EHMT1: variants seen among roughly 807,000 people sequenced by gnomAD.
EHMT1 encodes euchromatic histone lysine methyltransferase 1, also known as histone-lysine N-methyltransferase EHMT1.
A neutral mutation model predicts 147.2 loss-of-function variants in EHMT1; 15 were observed. That is an observed-to-expected ratio of 0.10 (90% confidence interval 0.07 to 0.16). The LOEUF is 0.16. Ranked by LOEUF, EHMT1 falls within the 10% of genes least tolerant of loss-of-function variation. The pLI is 1.00. For synonymous variants in EHMT1, 795 were observed against 709.6 expected (o/e 1.12, Z -1.91); for missense variants, 1,587 against 1,772.4 (o/e 0.90, Z 1.88).
intron 15 of EHMT1, chr9:137,785,670 TATTAAA>T (rs1456961666): frequency 2.0e-5 from 3 of 152,356 alleles, no homozygotes; most frequent in East Asian, 1.9e-4. Context: ...CTTTTTTAAA[TATTAAA>T]ATTAAAACCC....
At chr9:137,674,960 A>G (rs1941093336) in intron 1 of EHMT1, 1 of 152,238 alleles carries the variant, frequency 6.6e-6, no homozygotes, top group Non-Finnish European at 1.5e-5. Flanking sequence ...AAACTTCTGT[A>G]AAGGACCAGG....
At chr9:137,816,453 CCTA>C in intron 23 of EHMT1, 15 of 341,536 alleles carry the variant, frequency 4.4e-5, no homozygotes, top group Admixed American at 1.2e-4. Context: ...TCTGGGCTTC[CCTA>C]ACAGTGAGGT....
intron 3 of EHMT1, among the ~76,000 whole-genome samples, chr9:137,720,932 G>A (rs1945884379): frequency 6.6e-6 from 1 of 152,056 alleles, no homozygotes; most frequent in African/African-American, 2.4e-5. Flanking sequence ...GGAAATTGCT[G>A]AACCACACTC....
rs189329311 is a variant in EHMT1 at position 137,702,644 on chromosome 9, C to T, written c.22-8323C>T. 1.4e-4 allele frequency among the ~76,000 whole-genome samples: 21 copies of T among 152,240 alleles called. No individual in the cohort carries two copies. In the East Asian group the frequency reaches 3.5e-3, roughly 25 times the overall value. The stretch of plus-strand genomic sequence containing the variant: ...GCTTTTCTAGGCGTGTGGTACAAGC[C>T]GTAGATGGATCTACCATTCTGGGGT... On this transcript the variant is annotated intron_variant, in intron 1 of 26. Transcript: ENST00000460843.
intron 1 of EHMT1, among the ~76,000 whole-genome samples, chr9:137,640,828 C>G (rs1271758591): frequency 2.0e-5 from 3 of 152,176 alleles, no homozygotes; most frequent in Non-Finnish European, 4.4e-5. Flanking sequence ...ATTCTTTTCA[C>G]ATTTTATTCT....
chr9:137,665,779 ACT>A (rs994258106), intron 1 of EHMT1, among the ~76,000 whole-genome samples: 8 of 152,338 alleles, frequency 5.3e-5, no homozygotes, highest in Admixed American at 5.2e-4. Flanking sequence ...ATCTGAGAAC[ACT>A]GATTGTTTTA....
intron 1 of EHMT1, chr9:137,680,826 A>G (rs1468819492): frequency 1.3e-5 from 2 of 152,332 alleles, no homozygotes; most frequent in Non-Finnish European, 2.9e-5. Context: ...GAGGCCGGAC[A>G]CTTGCGTGCG....
At chr9:137,639,888 C>T (rs765319927) in intron 1 of EHMT1, among the ~76,000 whole-genome samples, 2 of 152,214 alleles carry the variant, frequency 1.3e-5, no homozygotes, top group African/African-American at 2.4e-5. Flanking sequence ...ATCAGAATGC[C>T]CACTCAACCC....
chr9:137,662,294 T>A (rs1589153221), intron 1 of EHMT1, among the ~76,000 whole-genome samples: 1 of 152,070 alleles, frequency 6.6e-6, no homozygotes, highest in East Asian at 1.9e-4. Flanking sequence ...GCCTGTTGGG[T>A]TTAAGTGATC....
chr9:137,728,233 T>A, intron 3 of EHMT1, 116 bp from the exon 4 acceptor site: 1 of 1,424,718 alleles, frequency 7.0e-7, no homozygotes. Context: ...CTCCATTGTA[T>A]CTCATCTTTC....
intron 1 of EHMT1, among the ~76,000 whole-genome samples, chr9:137,677,005 A>G (rs1458070675): frequency 6.6e-6 from 1 of 152,090 alleles, no homozygotes; most frequent in East Asian, 1.9e-4. Context: ...TAGCTGAACT[A>G]AGGAGCAAAA....
chr9:137,705,869 G>A (rs936453721), intron 1 of EHMT1, among the ~76,000 whole-genome samples: 3 of 152,218 alleles, frequency 2.0e-5, no homozygotes, highest in African/African-American at 7.2e-5. Flanking sequence ...ACCAAGAGAG[G>A]CCCACGGTCC....
chr9:137,773,718 T>A (rs921774931), intron 10 of EHMT1, among the ~76,000 whole-genome samples: 13 of 152,254 alleles, frequency 8.5e-5, no homozygotes, highest in African/African-American at 2.4e-4. Context: ...GTGTCATCTC[T>A]GCAGACCCCA....
chr9:137,811,706 G>A (rs770843560), intron 19 of EHMT1, 91 bp downstream of exon 19: 11 of 1,542,794 alleles, frequency 7.1e-6, no homozygotes, highest in Non-Finnish European at 9.7e-6. Context: ...TCACACTTGG[G>A]GCGTGAGTGG....
At chr9:137,759,663 C>T (rs1040937677) in intron 9 of EHMT1, among the ~76,000 whole-genome samples, 2 of 152,234 alleles carry the variant, frequency 1.3e-5, no homozygotes, top group African/African-American at 4.8e-5. Context: ...GTTTGATCAG[C>T]GCCGATTGGT....
chr9:137,754,230 C>T lies in EHMT1; in HGVS notation c.1308C>T (p.Pro436=), dbSNP rs754767362. ...AGAGGAAAGGAAAGACCGACAGTCCCTGGATCAAGCCAGCCAGGAAAAGGA... is the reference window on the plus strand; with the variant it reads ...AGAGGAAAGGAAAGACCGACAGTCCTTGGATCAAGCCAGCCAGGAAAAGGA... ...FLKRKGKTDS[P]WIKPARKRRR... Residue 436 remains proline, a synonymous_variant, in exon 8 of 27, where the codon CCC becomes CCT. Transcript: ENST00000460843. The T allele has an allele frequency of 2.0e-5, 33 of 1,614,010 alleles. No individual in the cohort carries two copies. The South Asian group carries it at 2.5e-4, about 12-fold the overall frequency.
chr9:137,635,708 T>C (rs1205872306), intron 1 of EHMT1, among the ~76,000 whole-genome samples: 4 of 150,810 alleles, frequency 2.7e-5, no homozygotes, highest in Non-Finnish European at 5.9e-5. Flanking sequence ...TAGTTCCAGC[T>C]ACTCGGGAGG....
At chr9:137,768,527 G>GTTTTTTTTTTTTTTT (rs1564725367) in intron 10 of EHMT1, among the ~76,000 whole-genome samples, 1 of 28,142 alleles carries the variant, frequency 3.6e-5, no homozygotes, top group African/African-American at 1.1e-4. Flanking sequence ...CTAATTTTTT[G>GTTTTTTTTTTTTTTT]TATTTTTTTT....
intron 1 of EHMT1, among the ~76,000 whole-genome samples, chr9:137,645,035 G>C (rs1844785487): frequency 6.6e-6 from 1 of 152,086 alleles, no homozygotes; most frequent in Non-Finnish European, 1.5e-5. Context: ...ACCACGCCCG[G>C]CTAATTTTTG....
Sources: allele counts gnomAD v4.1 joint callset (sites outside exome capture counted in the v4.1 genomes callset), GRCh38; gene constraint gnomAD v4.1.1; transcripts MANE v1.5; gene names NCBI Gene and HGNC (gene_info 2026-07-23, HGNC 2026-07-21).